The following INTS4 variants were observed in gnomAD, a reference collection of about 807,000 sequenced individuals.
The protein encoded by INTS4 is integrator complex subunit 4.
In INTS4, 70 loss-of-function variants were observed where a neutral mutation model predicts 119.5. The ratio of observed to expected loss-of-function variants is 0.59; its 90% CI spans 0.48 to 0.71. The LOEUF (loss-of-function observed/expected upper bound fraction) is 0.71. Among genes scored for constraint, INTS4 ranks in the 30% least tolerant of loss-of-function variants. The probability of loss-of-function intolerance (pLI) is 0.00; values close to 1 mark genes in which losing one functional copy is unlikely to be tolerated. For missense variants in INTS4, 867 were observed against 1,173.2 expected, an observed-to-expected ratio of 0.74 and a Z score of 3.81; for synonymous variants, 316 against 419.6, an observed-to-expected ratio of 0.75 and a Z score of 3.02.
At position 77,953,958 on chromosome 11, in the gene INTS4, C is replaced by T. The variant is rs1399608386; in HGVS notation, c.918+1984G>A. ...CTTCCCAAGTAGCTAGGACTAGAGG[C>T]GTGTGCCACCATGCCCAGCTAATTT... On this transcript the variant is annotated intron_variant, in intron 8 of 22. Transcript: ENST00000534064. Among the ~76,000 whole-genome samples, 5 of 148,472 alleles carry T rather than the reference C, an allele frequency of 3.4e-5. No individual in the cohort carries two copies. The East Asian group carries it at 6.0e-4, about 18-fold the overall frequency.
At chr11:77,946,227 A>G (rs956574380) in intron 8 of INTS4, among the ~76,000 whole-genome samples, 5 of 152,250 alleles carry the variant, frequency 3.3e-5, no homozygotes, top group African/African-American at 1.2e-4. Context: ...ATAGCTGAAG[A>G]TTACAGCTGA....
intron 15 of INTS4, among the ~76,000 whole-genome samples, chr11:77,916,527 A>G (rs1953208078): frequency 6.6e-6 from 1 of 152,238 alleles, no homozygotes; most frequent in Admixed American, 6.5e-5. Context: ...TATTCAGTGC[A>G]TGACTGTATT....
chr11:77,939,752 A>T lies in INTS4; in HGVS notation c.991-927T>A, dbSNP rs556504815. Among the ~76,000 whole-genome samples, 45 of 151,012 alleles carry T rather than the reference A, an allele frequency of 3.0e-4. No individual in the cohort carries two copies. The South Asian group carries it at 9.5e-3, about 32-fold the overall frequency. ...CCCAGCTACTCAGGAGGCCGAGGTG[A>T]GAGGATCACTTGAGCCCGGGAGGCA... On this transcript the variant is annotated intron_variant, in intron 9 of 22. Coordinates refer to ENST00000534064, the MANE Select transcript of INTS4 (RefSeq NM_033547.4).
At chr11:77,884,479 C>T (rs1304945627) in intron 21 of INTS4, among the ~76,000 whole-genome samples, 1 of 152,206 alleles carries the variant, frequency 6.6e-6, no homozygotes, top group Non-Finnish European at 1.5e-5. Flanking sequence ...AGAGTTCTTT[C>T]CTCAGCATCC....
chr11:77,972,846 T>A (rs377392142), intron 4 of INTS4, among the ~76,000 whole-genome samples: 3 of 139,870 alleles, frequency 2.1e-5, no homozygotes, highest in Non-Finnish European at 3.1e-5. Context: ...TTTTTTTTTT[T>A]AATACAGATA....
intron 10 of INTS4, among the ~76,000 whole-genome samples, chr11:77,933,045 C>G: frequency 6.6e-6 from 1 of 151,806 alleles, no homozygotes; most frequent in East Asian, 1.9e-4. Flanking sequence ...CACCATGGCA[C>G]GTGTATACCT....
intron 8 of INTS4, among the ~76,000 whole-genome samples, chr11:77,944,606 A>C (rs1256609657): frequency 6.6e-6 from 1 of 152,232 alleles, no homozygotes; most frequent in Non-Finnish European, 1.5e-5. Context: ...TTGAAGACAG[A>C]AACTGTCCTC....
intron 8 of INTS4, among the ~76,000 whole-genome samples, chr11:77,949,657 C>T (rs566302629): frequency 2.0e-5 from 3 of 152,092 alleles, no homozygotes. Flanking sequence ...CAAATCAAAA[C>T]CACAATGAGA....
intron 15 of INTS4, among the ~76,000 whole-genome samples, chr11:77,914,485 T>C (rs1044746571): frequency 3.3e-5 from 5 of 152,216 alleles, no homozygotes; most frequent in African/African-American, 9.6e-5. Context: ...CTAAACACTT[T>C]GTTGAGGGAG....
At chr11:77,949,948 T>C (rs1430544898) in intron 8 of INTS4, among the ~76,000 whole-genome samples, 1 of 152,054 alleles carries the variant, frequency 6.6e-6, no homozygotes, top group Non-Finnish European at 1.5e-5. Flanking sequence ...TTCACAACAG[T>C]AAAGACTTAG....
At chr11:77,952,977 A>G (rs1175559414) in intron 8 of INTS4, among the ~76,000 whole-genome samples, 3 of 152,260 alleles carry the variant, frequency 2.0e-5, no homozygotes, top group South Asian at 2.1e-4. Context: ...TCTGAATTTT[A>G]AAACATTCAT....
At chr11:77,884,731 C>T (rs748347611) in intron 21 of INTS4, 73 of 337,972 alleles carry the variant, frequency 2.2e-4, no homozygotes, top group Non-Finnish European at 4.1e-4. Flanking sequence ...GTCATGGGGC[C>T]TCCCCCTGAT....
intron 8 of INTS4, among the ~76,000 whole-genome samples, chr11:77,948,803 A>C (rs1444351452): frequency 6.6e-6 from 1 of 151,866 alleles, no homozygotes; most frequent in Non-Finnish European, 1.5e-5. Flanking sequence ...AAAAAAAAAA[A>C]AGGTATACAT....
At chr11:77,986,851 G>C (rs947736537) in intron 2 of INTS4, among the ~76,000 whole-genome samples, 1 of 151,762 alleles carries the variant, frequency 6.6e-6, no homozygotes, top group Non-Finnish European at 1.5e-5. Context: ...GTGGGGGGCT[G>C]GGGGAGGGAT....
intron 17 of INTS4, 50 bp downstream of exon 17, chr11:77,903,490 A>G: frequency 6.8e-6 from 11 of 1,608,216 alleles, no homozygotes; most frequent in Non-Finnish European, 9.4e-6. Flanking sequence ...CTTGGACCAG[A>G]CAATTACTGG....
intron 15 of INTS4, among the ~76,000 whole-genome samples, chr11:77,911,559 A>C (rs754373041): frequency 6.0e-4 from 91 of 152,360 alleles, no homozygotes; most frequent in Admixed American, 1.7e-3. Context: ...TCTGAAGTGC[A>C]CAAAACAAGA....
downstream of INTS4, among the ~76,000 whole-genome samples, chr11:77,875,122 T>C (rs1007417729): frequency 6.6e-6 from 1 of 152,104 alleles, no homozygotes; most frequent in Non-Finnish European, 1.5e-5. Context: ...CTGAGTTCAA[T>C]CATCTCAAAG....
intron 8 of INTS4, among the ~76,000 whole-genome samples, chr11:77,955,535 C>T (rs1954297946): frequency 1.4e-5 from 2 of 147,764 alleles, no homozygotes; most frequent in East Asian, 4.0e-4. Flanking sequence ...TCCCCCTTGT[C>T]GCCAGGCTGG....
At chr11:77,913,278 C>T (rs1246574101) in intron 15 of INTS4, among the ~76,000 whole-genome samples, 5 of 151,562 alleles carry the variant, frequency 3.3e-5, no homozygotes, top group Admixed American at 1.3e-4. Context: ...AGAACATGTC[C>T]AGTATGTTAA....
Sources: allele counts gnomAD v4.1 joint callset (sites outside exome capture counted in the v4.1 genomes callset), GRCh38; gene constraint gnomAD v4.1.1; transcripts MANE v1.5; gene names NCBI Gene and HGNC (gene_info 2026-07-23, HGNC 2026-07-21).